Variants in ZNF143 observed in about 807,000 individuals in gnomAD.
ZNF143 encodes the protein zinc finger protein 143, also known as SPH-binding factor.
A neutral mutation model predicts 74.1 loss-of-function variants in ZNF143; 49 were observed. The observed-to-expected ratio is 0.66, with a 90% CI of 0.53 to 0.84. The LOEUF is 0.84. ZNF143 is among the 40% of genes least tolerant of loss of function. ZNF143 has a pLI of 0.00. For synonymous variants in ZNF143, 304 were observed against 282.8 expected (o/e 1.07, Z -0.75); for missense variants, 637 against 793.4 (o/e 0.80, Z 2.37).
intron 2 of ZNF143, 130 bp from the exon 3 acceptor site, chr11:9,472,547 C>G: frequency 1.3e-6 from 1 of 777,678 alleles, no homozygotes; most frequent in Non-Finnish European, 2.0e-6. Context: ...CCACTGCACC[C>G]GGCCGCTAAA....
In ZNF143 at chr11:9,478,461, G is replaced by A. The variant is rs775875760; in HGVS notation, c.445G>A (p.Val149Met). The change falls in exon 6 of 16, where the codon GTG becomes ATG. Residue 149 changes from valine (V) to methionine (M), a missense_variant. By Grantham distance (21) the Val-to-Met change is conservative (BLOSUM62 1). This residue lies in a region of ZNF143 where 293 missense variants were observed against 307.8 expected (regional missense o/e 0.95). Transcript: ENST00000396602. ...DGTTAYIHHAVQVPQSDTILA... is the reference protein window; with the variant it reads ...DGTTAYIHHAMQVPQSDTILA... ...TACCACAGCTTATATCCACCATGCA[G>A]TGCAAGTCCCGCAGTCTGACACCAT... The A allele has an allele frequency of 1.2e-6, 2 of 1,614,186 alleles. No homozygotes were observed.
At chr11:9,525,797 G>A (rs1849104754) in intron 15 of ZNF143, among the ~76,000 whole-genome samples, 1 of 152,144 alleles carries the variant, frequency 6.6e-6, no homozygotes. Context: ...TTAAAGTGGG[G>A]AATGTCAGAA....
At chr11:9,475,014 A>C (rs1856793538) in intron 5 of ZNF143, among the ~76,000 whole-genome samples, 1 of 151,492 alleles carries the variant, frequency 6.6e-6, no homozygotes, top group Non-Finnish European at 1.5e-5. Flanking sequence ...AGCCTCCTGA[A>C]TAGCTGGGAC....
intron 5 of ZNF143, among the ~76,000 whole-genome samples, chr11:9,475,401 A>T (rs1395008871): frequency 6.6e-6 from 1 of 152,120 alleles, no homozygotes; most frequent in East Asian, 1.9e-4. Flanking sequence ...CTAGGACTAC[A>T]CGTGTGTGTC....
intron 7 of ZNF143, among the ~76,000 whole-genome samples, chr11:9,492,365 G>T (rs1388732783): frequency 3.3e-5 from 5 of 151,956 alleles, no homozygotes; most frequent in African/African-American, 4.8e-5. Context: ...CACCCACCTT[G>T]GCCTCCCAGA....
At chr11:9,491,729 G>C (rs139602981) in intron 7 of ZNF143, among the ~76,000 whole-genome samples, 1 of 151,988 alleles carries the variant, frequency 6.6e-6, no homozygotes, top group Non-Finnish European at 1.5e-5. Flanking sequence ...TCCTGGACTC[G>C]CGCGATCCTC....
chr11:9,470,469 C>G (rs776263881), intron 1 of ZNF143, among the ~76,000 whole-genome samples: 8 of 152,042 alleles, frequency 5.3e-5, no homozygotes, highest in Non-Finnish European at 1.2e-4. Context: ...GACAGGGAAG[C>G]TCTCATTCCA....
At chr11:9,483,055 G>C (rs1847312059) in intron 7 of ZNF143, among the ~76,000 whole-genome samples, 1 of 150,962 alleles carries the variant, frequency 6.6e-6, no homozygotes, top group South Asian at 2.1e-4. Context: ...GTGCAGTGAT[G>C]TGATTTTGGC....
chr11:9,482,785 C>T (rs935138695), intron 7 of ZNF143, among the ~76,000 whole-genome samples: 1 of 150,874 alleles, frequency 6.6e-6, no homozygotes, highest in African/African-American at 2.5e-5. Flanking sequence ...TGAAATATGA[C>T]TAGTCCAAAT....
At chr11:9,501,682 C>T (rs776356975) in intron 11 of ZNF143, among the ~76,000 whole-genome samples, 4 of 151,938 alleles carry the variant, frequency 2.6e-5, no homozygotes, top group Non-Finnish European at 5.9e-5. Context: ...TGAAGTTTGC[C>T]ACATAAGAGA....
chr11:9,472,310 T>C (rs930377833), intron 2 of ZNF143, among the ~76,000 whole-genome samples: 7 of 152,132 alleles, frequency 4.6e-5, no homozygotes, highest in African/African-American at 1.7e-4. Context: ...TGGAGGGCAG[T>C]GGCACAATCT....
chr11:9,475,235 A>C (rs1856806877), intron 5 of ZNF143, among the ~76,000 whole-genome samples: 1 of 152,152 alleles, frequency 6.6e-6, no homozygotes, highest in South Asian at 2.1e-4. Context: ...ATAAAATCAC[A>C]ATGTAACATT....
At chr11:9,474,065 C>G (rs560403263) in intron 4 of ZNF143, 41 bp downstream of exon 4, 1 of 1,517,382 alleles carries the variant, frequency 6.6e-7, no homozygotes, top group Admixed American at 1.7e-5. Context: ...CATTTTAATT[C>G]TCAGCTTTTA....
chr11:9,477,292 G>T (rs1336678686), intron 5 of ZNF143, among the ~76,000 whole-genome samples: 2 of 129,842 alleles, frequency 1.5e-5, no homozygotes, highest in African/African-American at 6.1e-5. Context: ...GTCTTGCTCT[G>T]TCACCAGGCT....
At chr11:9,523,472 G>C (rs1324550092) in intron 14 of ZNF143, among the ~76,000 whole-genome samples, 1 of 152,148 alleles carries the variant, frequency 6.6e-6, no homozygotes, top group African/African-American at 2.4e-5. Context: ...GGTGGCTCAC[G>C]CCTGTAATCC....
chr11:9,508,781 G>A lies in ZNF143; in HGVS notation c.1310G>A (p.Arg437Gln), dbSNP rs771443909. ...KQISTLAMHK[R>Q]TAHNDTEPIE... Reference sequence around the variant, plus strand: ...ATCTCCACGCTGGCCATGCACAAACGGACAGCCCACAACGACACTGAGCCC... The same window carrying A: ...ATCTCCACGCTGGCCATGCACAAACAGACAGCCCACAACGACACTGAGCCC... The change falls in exon 12 of 16, where the codon CGG becomes CAG. Residue 437 changes from arginine to glutamine, a missense_variant. Physicochemically the swap from Arg to Gln is conservative, Grantham distance 43. Around this residue, in one of 2 missense-constraint regions of ZNF143, gnomAD observed 344 missense variants for 485.6 expected, o/e 0.71. Coordinates refer to ENST00000396602, the MANE Select transcript of ZNF143 (RefSeq NM_003442.6). The A allele has an allele frequency of 4.3e-6, 7 of 1,611,376 alleles. No homozygotes were observed. The highest frequency in any genetic ancestry group is 5.9e-6 in the Non-Finnish European group (7 of 1,178,710).
intron 7 of ZNF143, among the ~76,000 whole-genome samples, chr11:9,480,811 C>T (rs926601506): frequency 9.9e-5 from 15 of 150,990 alleles, no homozygotes; most frequent in African/African-American, 2.7e-4. Flanking sequence ...CGCTTGAACC[C>T]AGGAGGCAGA....
At chr11:9,492,750 G>T (rs745713386) in intron 7 of ZNF143, among the ~76,000 whole-genome samples, 1 of 152,122 alleles carries the variant, frequency 6.6e-6, no homozygotes, top group Admixed American at 6.5e-5. Flanking sequence ...GGTGAACCTA[G>T]CACTGTGAGT....
At position 9,471,457 on chromosome 11, in the gene ZNF143, A is replaced by G. The variant is rs774944305; in HGVS notation, c.112+37A>G. The G allele has an allele frequency of 2.8e-6, 4 of 1,450,642 alleles. No homozygotes were observed. In the South Asian group the frequency reaches 5.5e-5, roughly 20 times the overall value. The allele number at this position is 1,450,642 out of a possible 1,614,324, so 89.9% of individuals were successfully genotyped here. On this transcript the variant is annotated intron_variant, in intron 2 of 15. Transcript: ENST00000396602. ...TGTTTGAAGGGATGCGTTTGAAAATATCATTTATCTTAAAAGAAAAAAAAT... is the reference window on the plus strand; with the variant it reads ...TGTTTGAAGGGATGCGTTTGAAAATGTCATTTATCTTAAAAGAAAAAAAAT...
Sources: allele counts gnomAD v4.1 joint callset (sites outside exome capture counted in the v4.1 genomes callset), GRCh38; gene constraint gnomAD v4.1.1; regional missense constraint gnomAD v4.1.1; transcripts MANE v1.5; gene names NCBI Gene and HGNC (gene_info 2026-07-23, HGNC 2026-07-21).